Variants in VKORC1L1 observed in about 807,000 individuals in gnomAD.
VKORC1L1 encodes the protein vitamin K epoxide reductase complex subunit 1-like protein 1.
VKORC1L1 carries 2 observed loss-of-function variants against 18.9 expected under a neutral mutation model. That is an observed-to-expected ratio of 0.11 (90% CI 0.04 to 0.33). The LOEUF (loss-of-function observed/expected upper bound fraction) is 0.33, where lower values mean the gene tolerates loss of function less well. Ranked by LOEUF, VKORC1L1 falls within the 10% of genes least tolerant of loss-of-function variation. The pLI, the probability that VKORC1L1 is intolerant of heterozygous loss-of-function variation, is 1.00. For synonymous variants in VKORC1L1, 96 were observed against 100.0 expected (o/e 0.96, Z 0.24); for missense variants, 123 against 224.1 (o/e 0.55, Z 2.88).
intron 1 of VKORC1L1, among the ~76,000 whole-genome samples, chr7:65,881,142 T>A (rs1788921565): frequency 6.6e-6 from 1 of 152,228 alleles, no homozygotes. Flanking sequence ...CAACCTGTAC[T>A]ACATTGTACT....
chr7:65,904,787 T>C (rs1202241646), intron 1 of VKORC1L1, among the ~76,000 whole-genome samples: 1 of 152,150 alleles, frequency 6.6e-6, no homozygotes, highest in Non-Finnish European at 1.5e-5. Context: ...TCACATTAAA[T>C]GTAAATGGTC....
At chr7:65,866,507 A>G in the VKORC1L1 span, among the ~76,000 whole-genome samples, 2 of 152,206 alleles carry the variant, frequency 1.3e-5, no homozygotes, top group African/African-American at 4.8e-5. Context: ...TGGCCTTTAG[A>G]GAGGAAATCC....
chr7:65,917,494 C>A (rs1050155858), intron 1 of VKORC1L1, among the ~76,000 whole-genome samples: 1 of 152,160 alleles, frequency 6.6e-6, no homozygotes, highest in African/African-American at 2.4e-5. Flanking sequence ...TTTTCATGTT[C>A]CTCTGCCTTT....
At chr7:65,942,974 A>G (rs1459293203) in intron 1 of VKORC1L1, among the ~76,000 whole-genome samples, 4 of 152,376 alleles carry the variant, frequency 2.6e-5, no homozygotes, top group African/African-American at 9.6e-5. Context: ...TGATAACCAT[A>G]TAAACAATAT....
At chr7:65,925,869 C>T (rs997816349) in intron 1 of VKORC1L1, among the ~76,000 whole-genome samples, 1 of 152,012 alleles carries the variant, frequency 6.6e-6, no homozygotes, top group Non-Finnish European at 1.5e-5. Flanking sequence ...AGAAAATAGG[C>T]AGAGTCCAAG....
In VKORC1L1 at chr7:65,958,894, T is replaced by A. The variant is rs1341380577; in HGVS notation, c.*4594T>A. The A allele has an allele frequency of 2.6e-5, 4 of 152,242 alleles. No individual in the cohort carries two copies. The highest frequency in any genetic ancestry group is 5.9e-5 in the Non-Finnish European group (4 of 68,058). The allele number at this position is 152,242 out of a possible 1,614,324, so 9.4% of individuals were successfully genotyped here. ...TAGCTTACCTTGAATACTCCCTGTATAATCCTCTAAAAAGGTAGCATCGGC... is the reference window on the plus strand; with the variant it reads ...TAGCTTACCTTGAATACTCCCTGTAAAATCCTCTAAAAAGGTAGCATCGGC... On this transcript the variant is annotated 3_prime_UTR_variant, in exon 3 of 3. Transcript: ENST00000360768.
rs189916998 is a variant in VKORC1L1 at position 65,921,064 on chromosome 7, G to T, written c.195-27607G>T. 3.6e-5 allele frequency among the ~76,000 whole-genome samples: 5 copies of T among 140,786 alleles called. No homozygotes were observed. In the East Asian group the frequency reaches 7.0e-4, roughly 20 times the overall value. 92.4% of individuals were successfully genotyped at this position (140,786 alleles called of 152,430 possible). On this transcript the variant is annotated intron_variant, in intron 1 of 2. Coordinates refer to ENST00000360768, the MANE Select transcript of VKORC1L1 (RefSeq NM_173517.6). ...ACATTTATTAGTATCTTTTACTTTG[G>T]GGGGGGTTTAACTGGCTGTTATTTT...
chr7:65,935,072 G>T (rs1222982659), intron 1 of VKORC1L1, among the ~76,000 whole-genome samples: 1 of 151,532 alleles, frequency 6.6e-6, no homozygotes. Flanking sequence ...AAAAAAAAAG[G>T]GGGTCTATTT....
chr7:65,938,148 C>T (rs1423059352), intron 1 of VKORC1L1, among the ~76,000 whole-genome samples: 1 of 151,920 alleles, frequency 6.6e-6, no homozygotes, highest in South Asian at 2.1e-4. Flanking sequence ...GCGGAGGTTA[C>T]AGTGAGCAGA....
In VKORC1L1 at chr7:65,954,393, C is replaced by T. The variant is rs1790261384; in HGVS notation, c.*93C>T. On this transcript the variant is annotated 3_prime_UTR_variant, in exon 3 of 3. Transcript: ENST00000360768. ...TATTATTATTATTATTATTATTATT[C>T]ACAACAGACACTTTCCCTAAGAATC... 7.6e-7 allele frequency: 1 copy of T among 1,324,080 alleles called. No homozygotes were observed. Among genetic ancestry groups the T allele is most frequent in the Non-Finnish European group, 9.9e-7 (1 of 1,011,116 alleles). 82.0% of individuals were successfully genotyped at this position (1,324,080 alleles called of 1,614,324 possible). A position where few individuals can be genotyped will look rare whatever the true frequency, so the allele number is the denominator to read the frequency against.
At chr7:65,892,840 T>C (rs1051050256) in intron 1 of VKORC1L1, among the ~76,000 whole-genome samples, 2 of 152,220 alleles carry the variant, frequency 1.3e-5, no homozygotes, top group Admixed American at 1.3e-4. Flanking sequence ...CCTCTCCCAG[T>C]GACCCATTGT....
chr7:65,906,168 C>T (rs1358790206), intron 1 of VKORC1L1, among the ~76,000 whole-genome samples: 2 of 151,562 alleles, frequency 1.3e-5, no homozygotes, highest in South Asian at 2.1e-4. Flanking sequence ...GGCACGGTGG[C>T]TCATGCCTGT....
rs1790363628 is a variant in VKORC1L1, at chr7:65,959,533, T to C, written c.*5233T>C. 6.6e-6 allele frequency: 1 copy of C among 152,218 alleles called. No individual in the cohort carries two copies. Among genetic ancestry groups the C allele is most frequent in the African/African-American group, 2.4e-5 (1 of 41,458 alleles). The allele number at this position is 152,218 out of a possible 1,614,324, so 9.4% of individuals were successfully genotyped here. ...ACACTCATTTTTAAAAAATGGACGATGCCTAATAAAACCACATGAAATTAA... is the reference window on the plus strand; with the variant it reads ...ACACTCATTTTTAAAAAATGGACGACGCCTAATAAAACCACATGAAATTAA... On this transcript the variant is annotated 3_prime_UTR_variant, in exon 3 of 3. Transcript: ENST00000360768.
At chr7:65,909,192 C>T (rs1030960084) in intron 1 of VKORC1L1, among the ~76,000 whole-genome samples, 7 of 147,570 alleles carry the variant, frequency 4.7e-5, no homozygotes, top group Non-Finnish European at 7.5e-5. Context: ...CCATGTTAGC[C>T]AGGCTGGTCT....
At chr7:65,922,760 C>T (rs1008829985) in intron 1 of VKORC1L1, among the ~76,000 whole-genome samples, 1 of 152,168 alleles carries the variant, frequency 6.6e-6, no homozygotes. Context: ...TTGGTATTAG[C>T]TGTCAGTCTT....
intron 1 of VKORC1L1, among the ~76,000 whole-genome samples, chr7:65,946,981 C>CG (rs1790128842): frequency 7.5e-6 from 1 of 134,074 alleles, no homozygotes; most frequent in South Asian, 2.6e-4. Flanking sequence ...AAAAAAATAC[C>CG]AAAAAAAAAA....
chr7:65,942,329 T>C (rs1357544646), intron 1 of VKORC1L1, among the ~76,000 whole-genome samples: 1 of 149,740 alleles, frequency 6.7e-6, no homozygotes, highest in Non-Finnish European at 1.5e-5. Flanking sequence ...CTACTAAAAA[T>C]GCCAAAAAAA....
At chr7:65,907,008 A>C (rs1276070458) in intron 1 of VKORC1L1, among the ~76,000 whole-genome samples, 1 of 152,218 alleles carries the variant, frequency 6.6e-6, no homozygotes, top group Admixed American at 6.5e-5. Flanking sequence ...GTATTTACTC[A>C]AAATAGGTGA....
intron 1 of VKORC1L1, among the ~76,000 whole-genome samples, chr7:65,900,497 G>C (rs1014478182): frequency 5.9e-5 from 9 of 151,718 alleles, no homozygotes; most frequent in African/African-American, 2.2e-4. Flanking sequence ...TCCTCTGGTT[G>C]TATACGTATA....
Sources: gnomAD v4.1 joint callset for allele counts (sites outside exome capture counted in the v4.1 genomes callset) on GRCh38, gnomAD v4.1.1 for gene constraint, MANE v1.5 for transcripts, NCBI Gene and HGNC (gene_info 2026-07-23, HGNC 2026-07-21) for gene names.